Variants in WIPF2 observed in about 807,000 individuals in gnomAD.
The protein encoded by WIPF2 is WAS/WASL-interacting protein family member 2.
In WIPF2, 23 loss-of-function variants were observed where a neutral mutation model predicts 38.8. The observed-to-expected ratio is 0.59, with a 90% CI of 0.43 to 0.84. The LOEUF (loss-of-function observed/expected upper bound fraction) is 0.84. WIPF2 is among the 40% of genes least tolerant of loss of function. The pLI is 0.00. For missense variants in WIPF2, 574 were observed against 580.5 expected, an observed-to-expected ratio of 0.99 and a Z score of 0.11; for synonymous variants, 210 against 223.2, an observed-to-expected ratio of 0.94 and a Z score of 0.53.
At chr17:40,243,143 T>C (rs928495071) in intron 1 of WIPF2, among the ~76,000 whole-genome samples, 1 of 152,176 alleles carries the variant, frequency 6.6e-6, no homozygotes, top group African/African-American at 2.4e-5. Context: ...ACCCATAGTA[T>C]CTAATATTTA....
chr17:40,240,465 A>G (rs559687455), intron 1 of WIPF2, among the ~76,000 whole-genome samples: 1 of 151,424 alleles, frequency 6.6e-6, no homozygotes, highest in South Asian at 2.1e-4. Flanking sequence ...TTGATTCAGA[A>G]GTTCATCTGT....
At chr17:40,273,354 T>A (rs1163981672) in intron 5 of WIPF2, among the ~76,000 whole-genome samples, 1 of 152,144 alleles carries the variant, frequency 6.6e-6, no homozygotes, top group Non-Finnish European at 1.5e-5. Context: ...GACTTTATGA[T>A]TTAGGCAGTG....
chr17:40,245,857 A>G (rs377570947), intron 1 of WIPF2, among the ~76,000 whole-genome samples: 10 of 152,196 alleles, frequency 6.6e-5, no homozygotes, highest in South Asian at 2.1e-4. Flanking sequence ...GGGTGCTTCA[A>G]TATTTATTAA....
At position 40,279,177 on chromosome 17, in the gene WIPF2, C is replaced by G. The variant is rs1396590372; in HGVS notation, c.*952C>G. The G allele has an allele frequency of 6.6e-6, 1 of 152,272 alleles. No homozygotes were observed. Among genetic ancestry groups the G allele is most frequent in the Non-Finnish European group, 1.5e-5 (1 of 68,088 alleles). The allele number at this position is 152,272 out of a possible 1,614,324, so 9.4% of individuals were successfully genotyped here. On this transcript the variant is annotated 3_prime_UTR_variant, in exon 8 of 8. Coordinates refer to ENST00000323571, the MANE Select transcript of WIPF2 (RefSeq NM_133264.5). ...AATCTTGTGTCTGCCTCAGTCTTTT[C>G]TGACTGGCCCTGAAGTTGTCAGTGG...
intron 1 of WIPF2, 142 bp from the exon 2 acceptor site, chr17:40,256,249 C>A: frequency 1.7e-6 from 1 of 580,598 alleles, no homozygotes; most frequent in Non-Finnish European, 2.8e-6. Context: ...AACAGATTTA[C>A]CAAGCCCTGG....
intron 7 of WIPF2, 32 bp from the exon 8 acceptor site, chr17:40,278,153 A>ATG (rs1567727354): frequency 6.2e-7 from 1 of 1,604,780 alleles, no homozygotes; most frequent in Admixed American, 1.7e-5. Flanking sequence ...GGTGACCTGT[A>ATG]TGTGTGTGGT....
chr17:40,263,063 G>A (rs1487275965), intron 4 of WIPF2, among the ~76,000 whole-genome samples: 1 of 152,170 alleles, frequency 6.6e-6, no homozygotes, highest in Non-Finnish European at 1.5e-5. Context: ...GGCAGTAGGC[G>A]TTGGGATTGG....
chr17:40,219,380 C>T lies in WIPF2; in HGVS notation c.-182C>T, dbSNP rs866847006. The T allele has an allele frequency of 1.2e-5, 5 of 404,000 alleles. No homozygotes were observed. The highest frequency in any genetic ancestry group is 3.9e-5 in the Admixed American group (1 of 25,676). The allele number at this position is 404,000 out of a possible 1,614,324, so 25.0% of individuals were successfully genotyped here. A position where few individuals can be genotyped will look rare whatever the true frequency, so the allele number is the denominator to read the frequency against. On this transcript the variant is annotated 5_prime_UTR_variant, in exon 1 of 8. Transcript: ENST00000323571. ...GCAAAAGGGGCGGTGGCGGCGGCGG[C>T]GGCGGCGGCGGCGGCGGCGACGGCG...
At chr17:40,266,375 A>G (rs539750868) in intron 5 of WIPF2, among the ~76,000 whole-genome samples, 2 of 152,294 alleles carry the variant, frequency 1.3e-5, no homozygotes, top group East Asian at 1.9e-4. Context: ...ATGTGATGGA[A>G]AAACTCCAAG....
chr17:40,250,414 ATTTT>A (rs555271448), intron 1 of WIPF2, among the ~76,000 whole-genome samples: 1 of 107,068 alleles, frequency 9.3e-6, no homozygotes, highest in Non-Finnish European at 2.0e-5. Context: ...GTATTTTTGT[ATTTT>A]TTTTTTTTTT....
At chr17:40,255,150 CAA>C (rs1418015257) in intron 1 of WIPF2, among the ~76,000 whole-genome samples, 1 of 152,040 alleles carries the variant, frequency 6.6e-6, no homozygotes, top group African/African-American at 2.4e-5. Context: ...CCAGAATATA[CAA>C]AGAGCTCTTA....
At chr17:40,255,191 C>T (rs2031679229) in intron 1 of WIPF2, among the ~76,000 whole-genome samples, 1 of 152,114 alleles carries the variant, frequency 6.6e-6, no homozygotes, top group Non-Finnish European at 1.5e-5. Flanking sequence ...GCAAAAACAA[C>T]CCAATTAAAA....
chr17:40,257,949 A>G (rs1230196249), intron 2 of WIPF2, among the ~76,000 whole-genome samples: 2 of 152,210 alleles, frequency 1.3e-5, no homozygotes, highest in African/African-American at 4.8e-5. Flanking sequence ...TGACTTGCCT[A>G]TCTAATTTGT....
chr17:40,259,981 G>A (rs763143999), intron 2 of WIPF2, among the ~76,000 whole-genome samples: 1 of 152,086 alleles, frequency 6.6e-6, no homozygotes, highest in Non-Finnish European at 1.5e-5. Context: ...AAGTATTACT[G>A]CAGGCCTCCC....
At chr17:40,266,270 C>T (rs963476927) in intron 5 of WIPF2, among the ~76,000 whole-genome samples, 1 of 151,650 alleles carries the variant, frequency 6.6e-6, no homozygotes, top group Non-Finnish European at 1.5e-5. Context: ...AGGGCTGAGC[C>T]CTCGCCCTCC....
chr17:40,265,962 G>A (rs2032074127), intron 5 of WIPF2, among the ~76,000 whole-genome samples: 1 of 152,144 alleles, frequency 6.6e-6, no homozygotes, highest in East Asian at 1.9e-4. Flanking sequence ...TTTGAGACAA[G>A]TTTGAGATGC....
chr17:40,248,136 T>TAA (rs1413639232), intron 1 of WIPF2, among the ~76,000 whole-genome samples: 3 of 151,316 alleles, frequency 2.0e-5, no homozygotes, highest in African/African-American at 7.3e-5. Flanking sequence ...TCAGTTTTTT[T>TAA]TTTTAATAAA....
chr17:40,221,085 A>G lies in WIPF2; in HGVS notation c.-70+1593A>G, dbSNP rs563654183. Among the ~76,000 whole-genome samples, 174 of 152,170 alleles carry G rather than the reference A, an allele frequency of 1.1e-3. 2 individuals carry two copies. The South Asian group carries it at 0.033, about 29-fold the overall frequency. On this transcript the variant is annotated intron_variant, in intron 1 of 7. Coordinates refer to ENST00000323571, the MANE Select transcript of WIPF2 (RefSeq NM_133264.5). ...GCGTGAGCCCCTGCGCCTGTCCAGA[A>G]TTCATATTTTTTAAAGGACTTGAAT...
At chr17:40,231,205 C>CT (rs2030725136) in intron 1 of WIPF2, among the ~76,000 whole-genome samples, 1 of 152,122 alleles carries the variant, frequency 6.6e-6, no homozygotes, top group Non-Finnish European at 1.5e-5. Context: ...AGAGAAGAGA[C>CT]TCCTTGACAA....
Sources: allele counts gnomAD v4.1 joint callset (sites outside exome capture counted in the v4.1 genomes callset), GRCh38; gene constraint gnomAD v4.1.1; transcripts MANE v1.5; gene names NCBI Gene and HGNC (gene_info 2026-07-23, HGNC 2026-07-21).